Variants in NDST1 observed in about 807,000 individuals in gnomAD.
The protein encoded by NDST1 is bifunctional heparan sulfate N-deacetylase/N-sulfotransferase 1.
In NDST1, 35 loss-of-function variants were observed where a neutral mutation model predicts 92.8. The observed-to-expected ratio is 0.38, with a 90% CI of 0.29 to 0.50. NDST1 has a LOEUF of 0.50. Ranked by LOEUF, NDST1 falls within the 20% of genes least tolerant of loss-of-function variation. The pLI, the probability that NDST1 is intolerant of heterozygous loss-of-function variation, is 0.94. For synonymous variants in NDST1, 493 were observed against 500.3 expected (o/e 0.99, Z 0.19); for missense variants, 822 against 1,182.7 (o/e 0.69, Z 4.47).
chr5:150,535,640 G>A (rs1561601669), intron 5 of NDST1, 60 bp from the exon 6 acceptor site: 1 of 1,588,114 alleles, frequency 6.3e-7, no homozygotes, highest in East Asian at 2.2e-5. Flanking sequence ...ACAAAGGGGG[G>A]ATAAGGCCCA....
At chr5:150,539,516 G>C in intron 7 of NDST1, 160 bp downstream of exon 7, 1 of 1,527,336 alleles carries the variant, frequency 6.5e-7, no homozygotes, top group Admixed American at 2.0e-5. Flanking sequence ...TGCCTCGGCT[G>C]TGTGACCTTG....
At chr5:150,537,411 C>T (rs1755042423) in intron 6 of NDST1, among the ~76,000 whole-genome samples, 1 of 152,170 alleles carries the variant, frequency 6.6e-6, no homozygotes, top group Admixed American at 6.5e-5. Flanking sequence ...AGAATGCGTT[C>T]CCAAGAGGAG....
chr5:150,549,348 G>T (rs1007431250), intron 12 of NDST1, among the ~76,000 whole-genome samples: 1 of 152,184 alleles, frequency 6.6e-6, no homozygotes, highest in Admixed American at 6.5e-5. Flanking sequence ...GCAAACTTGC[G>T]GAGTGTTTGA....
intron 11 of NDST1, among the ~76,000 whole-genome samples, chr5:150,546,661 C>G (rs1390098573): frequency 1.3e-5 from 2 of 152,250 alleles, no homozygotes; most frequent in Non-Finnish European, 2.9e-5. Context: ...AGTTCCCACC[C>G]TGCTTTGAGG....
chr5:150,509,955 C>T (rs1038476730), intron 1 of NDST1, among the ~76,000 whole-genome samples: 2 of 152,102 alleles, frequency 1.3e-5, no homozygotes, highest in Non-Finnish European at 2.9e-5. Context: ...GCTGGGTCAG[C>T]AGCCCTGGGC....
rs888697453 is a variant in NDST1, at chr5:150,553,430, C to A, written c.*98C>A. 26 of 1,506,070 alleles carry A rather than the reference C, an allele frequency of 1.7e-5. No homozygotes were observed. The African/African-American group carries it at 3.0e-4, about 18-fold the overall frequency. The allele number at this position is 1,506,070 out of a possible 1,614,324, so 93.3% of individuals were successfully genotyped here. On this transcript the variant is annotated 3_prime_UTR_variant, in exon 15 of 15. Coordinates refer to ENST00000261797, the MANE Select transcript of NDST1 (RefSeq NM_001543.5). The surrounding 1 kb of genome is among the most constrained non-coding windows in gnomAD (Gnocchi z 4.2). Reference sequence around the variant, plus strand: ...AGAGTGGGAAGCTGGACCAGGGCAGCTGCGCACTTATGAGCAATACTCTGT... The same window carrying A: ...AGAGTGGGAAGCTGGACCAGGGCAGATGCGCACTTATGAGCAATACTCTGT...
chr5:150,555,876 C>G lies in NDST1; in HGVS notation c.*2544C>G, dbSNP rs1463348254. On this transcript the variant is annotated 3_prime_UTR_variant, in exon 15 of 15. Coordinates refer to ENST00000261797, the MANE Select transcript of NDST1 (RefSeq NM_001543.5). ...TTTTTGCCTGGACCCTTCTGCAAGC[C>G]TGGAGACTGGACCTGCCACATGTTC... is the stretch of plus-strand genomic sequence containing the variant. The G allele has an allele frequency of 6.6e-6, 1 of 152,314 alleles. No homozygotes were observed. The highest frequency in any genetic ancestry group is 2.4e-5 in the African/African-American group (1 of 41,448). 9.4% of individuals were successfully genotyped at this position (152,314 alleles called of 1,614,324 possible). A position where few individuals can be genotyped will look rare whatever the true frequency, so the allele number is the denominator to read the frequency against.
chr5:150,545,258 T>C, intron 10 of NDST1, 54 bp from the exon 11 acceptor site: 2 of 1,602,144 alleles, frequency 1.2e-6, no homozygotes, highest in South Asian at 1.1e-5. Flanking sequence ...TGCATTCCCT[T>C]AGCCCCCTCC....
Position 150,535,882 on chromosome 5 carries a change from C to A in NDST1, c.1434C>A (p.Ile478=). 6.2e-7 allele frequency: 1 copy of A among 1,613,192 alleles called. No individual in the cohort carries two copies. The highest frequency in any genetic ancestry group is 8.5e-7 in the Non-Finnish European group (1 of 1,179,598). The change falls in exon 6 of 15, where the codon ATC becomes ATA. Residue 478 remains isoleucine (I), a synonymous_variant. Coordinates refer to ENST00000261797, the MANE Select transcript of NDST1 (RefSeq NM_001543.5). Reference sequence around the variant, plus strand: ...GCCGTGGCTTCATCCACAATGGCATCATGGTGAGTGGGCCCCTGGAAGCCC... The same window carrying A: ...GCCGTGGCTTCATCCACAATGGCATAATGGTGAGTGGGCCCCTGGAAGCCC... ...RYRRGFIHNG[I]MVLPRQTCGL... is the part of the protein sequence containing the mutation.
chr5:150,539,790 C>G, intron 7 of NDST1: 1 of 984,706 alleles, frequency 1.0e-6, no homozygotes, highest in South Asian at 4.7e-5. Flanking sequence ...GGGCTGAGTA[C>G]TCTTTATCTT....
intron 6 of NDST1, among the ~76,000 whole-genome samples, chr5:150,536,137 G>C (rs1350877574): frequency 2.0e-5 from 3 of 152,186 alleles, no homozygotes; most frequent in Admixed American, 2.0e-4. Flanking sequence ...TCTTGAAAGA[G>C]GTTTCTGATG....
intron 1 of NDST1, among the ~76,000 whole-genome samples, chr5:150,518,137 T>A (rs1248522253): frequency 6.6e-6 from 1 of 152,098 alleles, no homozygotes; most frequent in Non-Finnish European, 1.5e-5. Flanking sequence ...CATGCTCTTA[T>A]CTCCAAGCTG....
chr5:150,545,201 C>A (rs1755427246), intron 10 of NDST1, 111 bp from the exon 11 acceptor site: 1 of 1,278,032 alleles, frequency 7.8e-7, no homozygotes, highest in South Asian at 1.2e-5. Context: ...GCAAAGCTTC[C>A]CACTTGCTCT....
At chr5:150,549,923 T>G (rs1335824410) in intron 13 of NDST1, 136 bp downstream of exon 13, 2 of 696,810 alleles carry the variant, frequency 2.9e-6, no homozygotes, top group Non-Finnish European at 5.3e-6. Flanking sequence ...TAATATGACT[T>G]AAGTCATATT....
chr5:150,509,209 C>T (rs1753605168), intron 1 of NDST1, among the ~76,000 whole-genome samples: 1 of 152,164 alleles, frequency 6.6e-6, no homozygotes, highest in South Asian at 2.1e-4. Context: ...GTATCTGAGG[C>T]CTGGAGTCGG....
intron 1 of NDST1, among the ~76,000 whole-genome samples, chr5:150,500,683 G>T (rs1753190658): frequency 1.3e-5 from 2 of 152,268 alleles, no homozygotes; most frequent in South Asian, 4.1e-4. Flanking sequence ...GCCCCACAGG[G>T]AAAGCCTGGC....
chr5:150,501,659 A>G (rs1753238301), intron 1 of NDST1, among the ~76,000 whole-genome samples: 2 of 152,134 alleles, frequency 1.3e-5, no homozygotes, highest in Non-Finnish European at 1.5e-5. Flanking sequence ...TTAAACATCT[A>G]CTTTGGTCCA....
chr5:150,545,457 C>T lies in NDST1; in HGVS notation c.2116C>T (p.Pro706Ser), dbSNP rs1378305819. Reference sequence around the variant, plus strand: ...CAAGGTCCTGACCATCCTCATCAACCCCGCGGACCGGGCCTATTCCTGGTA... The same window carrying T: ...CAAGGTCCTGACCATCCTCATCAACTCCGCGGACCGGGCCTATTCCTGGTA... ...KAKVLTILINPADRAYSWYQH... is the reference protein window; with the variant it reads ...KAKVLTILINSADRAYSWYQH... Residue 706 changes from proline to serine, a missense_variant, in exon 11 of 15, where the codon CCC (proline) becomes TCC (serine). Coordinates refer to ENST00000261797, the MANE Select transcript of NDST1 (RefSeq NM_001543.5). 6.2e-7 allele frequency: 1 copy of T among 1,614,138 alleles called. No homozygotes were observed. Among genetic ancestry groups the T allele is most frequent in the African/African-American group, 1.3e-5 (1 of 74,950 alleles).
intron 1 of NDST1, among the ~76,000 whole-genome samples, chr5:150,517,653 C>T (rs1196700163): frequency 6.6e-6 from 1 of 152,216 alleles, no homozygotes; most frequent in Admixed American, 6.5e-5. Flanking sequence ...CTCTCAACCC[C>T]CAACCTCTGG....
Sources: gnomAD v4.1 joint callset for allele counts (sites outside exome capture counted in the v4.1 genomes callset) on GRCh38, gnomAD v4.1.1 for gene constraint, Gnocchi (gnomAD v3.1) non-coding constraint, MANE v1.5 for transcripts, NCBI Gene and HGNC (gene_info 2026-07-23, HGNC 2026-07-21) for gene names.